Variants in COL4A6 observed in about 807,000 individuals in gnomAD.
COL4A6 encodes the protein collagen type IV alpha 6 chain.
A neutral mutation model predicts 126.7 loss-of-function variants in COL4A6; 59 were observed. The observed-to-expected ratio is 0.47, with a 90% CI of 0.38 to 0.58. The LOEUF is 0.58. COL4A6 is among the 20% of genes least tolerant of loss of function. COL4A6 has a pLI of 0.00. For synonymous variants in COL4A6, 547 were observed against 496.6 expected (o/e 1.10, Z -1.35); for missense variants, 1,285 against 1,337.3 (o/e 0.96, Z 0.61).
chrX:108,315,676 C>T lies in COL4A6; in HGVS notation c.64-4848G>A, dbSNP rs746914387. On this transcript the variant is annotated intron_variant, in intron 2 of 44. Transcript: ENST00000334504. ...GTTTTCCTACTCCCTTTACCACAAACAAAACTTCTATTCATTCTTTTAAAC... is the reference window on the plus strand; with the variant it reads ...GTTTTCCTACTCCCTTTACCACAAATAAAACTTCTATTCATTCTTTTAAAC... Among the ~76,000 whole-genome samples the T allele has an allele frequency of 1.2e-4, 13 of 111,679 alleles. No homozygotes were observed. The South Asian group carries it at 4.5e-3, about 39-fold the overall frequency.
intron 3 of COL4A6, chrX:108,267,811 G>A (rs756315837): frequency 1.8e-5 from 2 of 112,662 alleles, no homozygotes; most frequent in Non-Finnish European, 3.8e-5. Context: ...CATCACATTT[G>A]ATTTCCACTT....
chrX:108,370,231 T>A (rs1217341744), intron 2 of COL4A6, among the ~76,000 whole-genome samples: 2 of 112,306 alleles, frequency 1.8e-5, no homozygotes, highest in Non-Finnish European at 3.8e-5. Context: ...TTACTTTTTA[T>A]TCTGTCATCC....
chrX:108,287,147 T>A (rs527953034), intron 3 of COL4A6, among the ~76,000 whole-genome samples: 1 of 112,304 alleles, frequency 8.9e-6, no homozygotes, highest in Admixed American at 9.4e-5. Flanking sequence ...GGGTCTTTCA[T>A]GTCTTGACTT....
chrX:108,384,854 T>A (rs1363561858), intron 2 of COL4A6, among the ~76,000 whole-genome samples: 1 of 111,692 alleles, frequency 9.0e-6, no homozygotes, highest in Non-Finnish European at 1.9e-5. Context: ...TCAGAATGTT[T>A]TCAAAACTTA....
chrX:108,249,730 G>C (rs57193005), intron 3 of COL4A6, among the ~76,000 whole-genome samples: 4,977 of 110,803 alleles, frequency 0.045, 248 homozygotes, highest in African/African-American at 0.14. Context: ...AAGGAAAAAT[G>C]GAGGAGCATC....
chrX:108,388,034 GT>G (rs1018365149), intron 2 of COL4A6, among the ~76,000 whole-genome samples: 3 of 112,071 alleles, frequency 2.7e-5, no homozygotes, highest in Non-Finnish European at 5.6e-5. Flanking sequence ...ATTTGTGTAT[GT>G]TGAACCAGCC....
intron 3 of COL4A6, among the ~76,000 whole-genome samples, chrX:108,275,656 C>T (rs1277734272): frequency 8.9e-6 from 1 of 112,705 alleles, no homozygotes; most frequent in Non-Finnish European, 1.9e-5. Context: ...ACTGTTTAAC[C>T]TTTAATAAAT....
At chrX:108,211,266 C>A (rs112629824) in intron 7 of COL4A6, among the ~76,000 whole-genome samples, 1 of 112,020 alleles carries the variant, frequency 8.9e-6, no homozygotes, top group African/African-American at 3.2e-5. Context: ...AAGGGCAGAA[C>A]CAGGATCTTT....
intron 3 of COL4A6, among the ~76,000 whole-genome samples, chrX:108,297,096 GTA>G (rs1190875382): frequency 9.0e-6 from 1 of 111,671 alleles, no homozygotes; most frequent in Non-Finnish European, 1.9e-5. Context: ...GAAATTTTGA[GTA>G]TAAACAAATA....
At chrX:108,303,234 A>G (rs768842298) in intron 3 of COL4A6, among the ~76,000 whole-genome samples, 8 of 111,324 alleles carry the variant, frequency 7.2e-5, no homozygotes, top group Non-Finnish European at 9.4e-5. Context: ...GGAGGAGGCC[A>G]TGGTGGAGAA....
rs374295145 is a variant in COL4A6, at chrX:108,251,088, A to G, written c.145-29714T>C. ...TCACAGGGGAGTTTCAAGGGGCCAAATGCACAGAGCTAAGTCTAACTCAGG... is the reference window on the plus strand; with the variant it reads ...TCACAGGGGAGTTTCAAGGGGCCAAGTGCACAGAGCTAAGTCTAACTCAGG... On this transcript the variant is annotated intron_variant, in intron 3 of 44. Coordinates refer to ENST00000334504, the MANE Select transcript of COL4A6 (RefSeq NM_033641.4). 3.8e-4 allele frequency among the ~76,000 whole-genome samples: 42 copies of G among 111,235 alleles called. 3 individuals carry two copies. The highest frequency in any genetic ancestry group is 2.8e-3 in the Admixed American group (29 of 10,502).
At chrX:108,197,185 T>C (rs1224173254) in intron 13 of COL4A6, among the ~76,000 whole-genome samples, 1 of 112,087 alleles carries the variant, frequency 8.9e-6, no homozygotes, top group East Asian at 2.8e-4. Context: ...GGCTCTTGCC[T>C]GGCCCTAGAG....
intron 3 of COL4A6, among the ~76,000 whole-genome samples, chrX:108,300,724 CGTGT>C (rs58203884): frequency 0.021 from 1,914 of 92,328 alleles, 17 homozygotes; most frequent in Middle Eastern, 0.057. Context: ...CAAACATTGG[CGTGT>C]GTGTGTGTGT....
In COL4A6 at chrX:108,159,544, A is replaced by G. The variant is rs374510545; in HGVS notation, c.4730T>C (p.Ile1577Thr). The G allele has an allele frequency of 6.4e-5, 77 of 1,210,966 alleles. No homozygotes were observed. The highest frequency in any genetic ancestry group is 8.3e-5 in the Non-Finnish European group (74 of 895,431). Residue 1577 changes from isoleucine (I) to threonine (T), a missense_variant, in exon 44 of 45, where the codon ATT (isoleucine) becomes ACT (threonine). Ile to Thr is a moderately conservative substitution (Grantham distance 89). Transcript: ENST00000334504. Reference protein sequence around the residue: ...CSVCEAPSQAIAVHSQDITIP... With the variant: ...CSVCEAPSQATAVHSQDITIP... ...GGTGATGTCCTGGCTGTGCACAGCA[A>G]TGGCTTGCGAGGGTGCCTCACACAC...
intron 20 of COL4A6, among the ~76,000 whole-genome samples, 165 bp from the exon 21 acceptor site, chrX:108,188,842 T>C (rs760153492): frequency 1.8e-5 from 2 of 112,324 alleles, no homozygotes; most frequent in Middle Eastern, 4.6e-3. Flanking sequence ...AGAGTATGTC[T>C]GTGTTAGTGG....
chrX:108,408,335 G>GAGAAAGAAAGAAAGAAAGAA (rs60742058), intron 2 of COL4A6, among the ~76,000 whole-genome samples: 6 of 100,812 alleles, frequency 6.0e-5, no homozygotes, highest in African/African-American at 2.2e-4. Flanking sequence ...AAAAGAAAGA[G>GAGAAAGAAAGAAAGAAAGAA]AGAAAGAAAG....
intron 2 of COL4A6, among the ~76,000 whole-genome samples, chrX:108,354,037 C>T (rs918319010): frequency 1.2e-4 from 13 of 111,316 alleles, no homozygotes; most frequent in African/African-American, 4.3e-4. Flanking sequence ...CCTGTAATCC[C>T]AGCTATTTGG....
chrX:108,196,619 T>C (rs2035226791), intron 13 of COL4A6, 40 bp from the exon 14 acceptor site: 1 of 1,072,991 alleles, frequency 9.3e-7, no homozygotes, highest in African/African-American at 1.8e-5. Flanking sequence ...ACGTTTGTTT[T>C]CTTGTCGGTC....
Position 108,406,055 on chromosome X carries a change from C to A in COL4A6, c.63+31887G>T, listed in dbSNP as rs374740850. Among the ~76,000 whole-genome samples, 12 of 111,545 alleles carry A rather than the reference C, an allele frequency of 1.1e-4. 1 individual carries two copies. Among genetic ancestry groups the A allele is most frequent in the African/African-American group, 3.9e-4 (12 of 30,663 alleles). ...TGATCTTGGATCACTGCAGCCTTGA[C>A]GTCCTGGGCTCAAGTGATCTTCCCA... On this transcript the variant is annotated intron_variant, in intron 2 of 44. Transcript: ENST00000334504.
Sources: gnomAD v4.1 joint callset for allele counts (sites outside exome capture counted in the v4.1 genomes callset) on GRCh38, gnomAD v4.1.1 for gene constraint, MANE v1.5 for transcripts, NCBI Gene and HGNC (gene_info 2026-07-23, HGNC 2026-07-21) for gene names.